BICD2: variants seen among roughly 807,000 people sequenced by gnomAD.
The protein encoded by BICD2 is protein bicaudal D homolog 2.
A neutral mutation model predicts 72.9 loss-of-function variants in BICD2; 25 were observed. The observed-to-expected ratio is 0.34, with a 90% CI of 0.25 to 0.48. The LOEUF is 0.48. Among genes scored for constraint, BICD2 ranks in the 20% least tolerant of loss-of-function variants. The pLI is 0.99. For missense variants in BICD2, 894 were observed against 1,175.2 expected (o/e 0.76, Z 3.50); for synonymous variants, 501 against 516.1 (o/e 0.97, Z 0.40).
At chr9:92,741,422 G>A (rs965399931) in intron 1 of BICD2, among the ~76,000 whole-genome samples, 1 of 152,228 alleles carries the variant, frequency 6.6e-6, no homozygotes. Context: ...CAACAAGTAA[G>A]TAAACCATAT....
chr9:92,739,480 G>A (rs570771126), intron 1 of BICD2, among the ~76,000 whole-genome samples: 2 of 152,322 alleles, frequency 1.3e-5, no homozygotes, highest in South Asian at 2.1e-4. Context: ...CCACAGTGAG[G>A]AGCCCGTGAA....
chr9:92,728,528 C>T (rs977410425), intron 2 of BICD2, among the ~76,000 whole-genome samples: 5 of 152,198 alleles, frequency 3.3e-5, no homozygotes, highest in South Asian at 2.1e-4. Flanking sequence ...GGGCTACTGG[C>T]GGTGGTCTCC....
intron 1 of BICD2, among the ~76,000 whole-genome samples, chr9:92,749,758 A>G (rs554314106): frequency 2.4e-4 from 36 of 152,350 alleles, no homozygotes; most frequent in African/African-American, 8.2e-4. Context: ...TACCCCGCCC[A>G]AGACACAGAA....
In BICD2 at chr9:92,715,372, T is replaced by C. The variant is rs149891938; in HGVS notation, c.2350A>G (p.Met784Val). ...EKKTLNSLLR[M>V]AIQQKLALTQ... The stretch of plus-strand genomic sequence containing the variant: ...AGCGCCAGCTTCTGCTGGATGGCCA[T>C]GCGCAGCAGCGAGTTCAGCGTCTTC... Residue 784 changes from methionine to valine, a missense_variant, in exon 7 of 7, where the codon ATG becomes GTG. Physicochemically the swap from Met to Val is conservative, Grantham distance 21 (BLOSUM62 1). Coordinates refer to ENST00000356884, the MANE Select transcript of BICD2 (RefSeq NM_001003800.2). The C allele has an allele frequency of 9.9e-5, 159 of 1,612,478 alleles. 2 individuals are homozygous for C. In the Admixed American group the frequency reaches 1.5e-3, roughly 15 times the overall value.
intron 2 of BICD2, among the ~76,000 whole-genome samples, chr9:92,728,127 T>A (rs891907371): frequency 6.6e-6 from 1 of 152,166 alleles, no homozygotes; most frequent in African/African-American, 2.4e-5. Flanking sequence ...GCTCTCCTCC[T>A]CCTGCTGGGC....
Position 92,729,088 on chromosome 9 carries a change from T to C in BICD2, c.389A>G (p.Asn130Ser), listed in dbSNP as rs142827536. 1.2e-5 allele frequency: 20 copies of C among 1,614,116 alleles called. No individual in the cohort carries two copies. In the Admixed American group the frequency reaches 2.0e-4, roughly 16 times the overall value. The change falls in exon 2 of 7, where the codon AAT (asparagine) becomes AGT (serine). Residue 130 changes from asparagine to serine, a missense_variant. Physicochemically the swap from Asn to Ser is conservative, Grantham distance 46. Around this residue, in one of 5 missense-constraint regions of BICD2, gnomAD observed 192 missense variants for 243.6 expected, o/e 0.79. Coordinates refer to ENST00000356884, the MANE Select transcript of BICD2 (RefSeq NM_001003800.2). ...ELQTELKQLR[N>S]VLTNTQSENE... ...CTCCGACTGCGTGTTGGTGAGGACA[T>C]TGCGCAACTGCTTCAGCTCCGTCTG...
At chr9:92,719,979 G>A (rs1296380379) in intron 4 of BICD2, among the ~76,000 whole-genome samples, 1 of 152,220 alleles carries the variant, frequency 6.6e-6, no homozygotes, top group Non-Finnish European at 1.5e-5. Flanking sequence ...CCCAGGGGAT[G>A]AGCCCAAGCA....
chr9:92,746,532 CAAA>C (rs60146380), intron 1 of BICD2, among the ~76,000 whole-genome samples: 22 of 101,644 alleles, frequency 2.2e-4, no homozygotes, highest in Admixed American at 2.9e-4. Flanking sequence ...ACTCCGTCTC[CAAA>C]AAAAAAAAAA....
At position 92,726,352 on chromosome 9, in the gene BICD2, A is replaced by G. The variant is rs555798435; in HGVS notation, c.453+2672T>C. On this transcript the variant is annotated intron_variant, in intron 2 of 6. Transcript: ENST00000356884. ...ACAACCAGTTGACCCAAGGGAGGAA[A>G]AAAGGGGAGGGGCTGTTGTGGGTAG... 1.7e-3 allele frequency among the ~76,000 whole-genome samples: 251 copies of G among 152,088 alleles called. 2 individuals carry two copies. Among genetic ancestry groups the G allele is most frequent in the Middle Eastern group, 0.01 (3 of 294 alleles).
chr9:92,763,252 G>A (rs540794241), intron 1 of BICD2, among the ~76,000 whole-genome samples: 1 of 152,284 alleles, frequency 6.6e-6, no homozygotes, highest in East Asian at 1.9e-4. Context: ...CAGACACGGG[G>A]GAGGCAAGGA....
In BICD2 at chr9:92,720,905, G is replaced by T; in HGVS notation, c.607-150C>A. ...GTGAGGTGCCATCCTGGGAAGGGTG[G>T]CAGCCCGTCCAGGCCAAGACTGCTT... is the stretch of plus-strand genomic sequence containing the variant. On this transcript the variant is annotated intron_variant, in intron 3 of 6. Coordinates refer to ENST00000356884, the MANE Select transcript of BICD2 (RefSeq NM_001003800.2). The surrounding 1 kb of genome is among the most constrained non-coding windows in gnomAD (Gnocchi z 5.4). The T allele has an allele frequency of 1.2e-6, 1 of 812,444 alleles. No individual in the cohort carries two copies. The highest frequency in any genetic ancestry group is 1.9e-6 in the Non-Finnish European group (1 of 528,020). The allele number at this position is 812,444 out of a possible 1,614,324, so 50.3% of individuals were successfully genotyped here. A position where few individuals can be genotyped will look rare whatever the true frequency, so the allele number is the denominator to read the frequency against.
chr9:92,722,481 G>C (rs893641341), intron 3 of BICD2, among the ~76,000 whole-genome samples, 175 bp downstream of exon 3: 3 of 152,182 alleles, frequency 2.0e-5, no homozygotes, highest in African/African-American at 7.2e-5. Context: ...ATCTTTTGGA[G>C]AGTCTGGGTC....
intron 1 of BICD2, among the ~76,000 whole-genome samples, chr9:92,741,184 T>C (rs1478298871): frequency 1.3e-5 from 2 of 152,212 alleles, no homozygotes; most frequent in African/African-American, 2.4e-5. Flanking sequence ...CATGAACTTA[T>C]CTGCTGGTTT....
intron 1 of BICD2, among the ~76,000 whole-genome samples, chr9:92,750,728 T>G (rs926349917): frequency 3.3e-4 from 50 of 152,036 alleles, no homozygotes; most frequent in Admixed American, 3.3e-3. Flanking sequence ...GCCACTGCAT[T>G]TATAAAAACA....
chr9:92,720,516 G>T lies in BICD2; in HGVS notation c.846C>A (p.Gly282=). The T allele has an allele frequency of 6.2e-7, 1 of 1,614,188 alleles. No individual in the cohort carries two copies. Among genetic ancestry groups the T allele is most frequent in the African/African-American group, 1.3e-5 (1 of 75,052 alleles). The change falls in exon 4 of 7, where the codon GGC becomes GGA. Residue 282 remains glycine (G), a synonymous_variant. Transcript: ENST00000356884. The surrounding 1 kb of genome is among the most constrained non-coding windows in gnomAD (Gnocchi z 5.4). ...YTSHLHVSLD[G]LKFSDDAAEP... ...CGGCAGCATCGTCACTGAACTTGAG[G>T]CCATCCAGCGAGACATGCAGGTGGC...
Position 92,717,696 on chromosome 9 carries a change from C to T in BICD2, c.2258+101G>A, listed in dbSNP as rs116139949. ...CACAGCCACTGACTAGTCAGGGCTG[C>T]AGGCCTCAGCATGAGGCAGTGAGAG... On this transcript the variant is annotated intron_variant, in intron 6 of 6. Coordinates refer to ENST00000356884, the MANE Select transcript of BICD2 (RefSeq NM_001003800.2). 0.051 allele frequency: 70,935 copies of T among 1,401,288 alleles called. 2,079 individuals are homozygous for T. Among genetic ancestry groups the T allele is most frequent in the South Asian group, 0.083 (5,747 of 69,136 alleles). The allele number at this position is 1,401,288 out of a possible 1,614,324, so 86.8% of individuals were successfully genotyped here. A position where few individuals can be genotyped will look rare whatever the true frequency, so the allele number is the denominator to read the frequency against.
intron 1 of BICD2, among the ~76,000 whole-genome samples, chr9:92,740,331 A>C (rs1021352464): frequency 4.6e-5 from 7 of 152,218 alleles, no homozygotes; most frequent in African/African-American, 1.7e-4. Flanking sequence ...TTTTCTGTAA[A>C]TCTGAAACTG....
chr9:92,750,976 T>A (rs994923395), intron 1 of BICD2, among the ~76,000 whole-genome samples: 1 of 152,222 alleles, frequency 6.6e-6, no homozygotes, highest in African/African-American at 2.4e-5. Context: ...AGTGGCGAGA[T>A]CTCAGCTCAC....
In BICD2 at chr9:92,764,643, G is replaced by A. The variant is rs1274212124; in HGVS notation, c.102C>T (p.Ala34=). Residue 34 remains alanine (A), a synonymous_variant, in exon 1 of 7, where the codon GCC becomes GCT. Transcript: ENST00000356884. The surrounding 1 kb of genome is among the most constrained non-coding windows in gnomAD (Gnocchi z 5.5). ...CCTGGATCTTCTCACGCGTGGTCTC[G>A]GCCAGCTCGTGGGACAGCCGCTTCA... ...AEVKRLSHEL[A]ETTREKIQAA... is the part of the protein sequence containing the mutation. 6.3e-7 allele frequency: 1 copy of A among 1,593,476 alleles called. No individual in the cohort carries two copies. Among genetic ancestry groups the A allele is most frequent in the Admixed American group, 1.7e-5 (1 of 57,362 alleles).
Sources: allele counts gnomAD v4.1 joint callset (sites outside exome capture counted in the v4.1 genomes callset), GRCh38; gene constraint gnomAD v4.1.1; regional missense constraint gnomAD v4.1.1; non-coding constraint Gnocchi (gnomAD v3.1); transcripts MANE v1.5; gene names NCBI Gene and HGNC (gene_info 2026-07-23, HGNC 2026-07-21).